Variants in BTBD9 observed in about 807,000 individuals in gnomAD.
BTBD9 encodes the protein BTB domain containing 9.
BTBD9 carries 49 observed loss-of-function variants against 64.3 expected under a neutral mutation model. That is an observed-to-expected ratio of 0.76 (90% CI 0.61 to 0.97). BTBD9 has a LOEUF of 0.97. BTBD9 is among the 50% of genes least tolerant of loss of function. BTBD9 has a pLI of 0.00. For missense variants in BTBD9, 598 were observed against 762.1 expected, an observed-to-expected ratio of 0.78 and a Z score of 2.53; for synonymous variants, 260 against 274.7, an observed-to-expected ratio of 0.95 and a Z score of 0.53.
chr6:38,307,609 A>AT (rs1420170079), intron 7 of BTBD9, among the ~76,000 whole-genome samples: 1 of 151,862 alleles, frequency 6.6e-6, no homozygotes, highest in Non-Finnish European at 1.5e-5. Context: ...CCCCTAATCG[A>AT]TTTTTCCTTC....
chr6:38,186,343 A>T (rs1318182123), intron 10 of BTBD9, among the ~76,000 whole-genome samples: 9 of 152,232 alleles, frequency 5.9e-5, no homozygotes, highest in Non-Finnish European at 1.3e-4. Context: ...CTATTATTGT[A>T]ATTAATAATA....
chr6:38,270,685 C>A (rs1418520464), intron 8 of BTBD9, among the ~76,000 whole-genome samples: 2 of 152,152 alleles, frequency 1.3e-5, no homozygotes, highest in African/African-American at 2.4e-5. Flanking sequence ...AGGCTCCTAG[C>A]AGCCAAAAGG....
intron 6 of BTBD9, among the ~76,000 whole-genome samples, chr6:38,528,984 G>A (rs748960853): frequency 6.6e-6 from 1 of 152,180 alleles, no homozygotes; most frequent in Non-Finnish European, 1.5e-5. Flanking sequence ...GTGGGCTCCT[G>A]GAGTCCCCAG....
At chr6:38,381,484 T>A (rs1036596604) in intron 6 of BTBD9, among the ~76,000 whole-genome samples, 1 of 152,172 alleles carries the variant, frequency 6.6e-6, no homozygotes, top group Admixed American at 6.5e-5. Flanking sequence ...ACTGAGAAAC[T>A]GAGAAATCCA....
At chr6:38,186,356 G>A (rs1030485811) in intron 10 of BTBD9, among the ~76,000 whole-genome samples, 1 of 152,182 alleles carries the variant, frequency 6.6e-6, no homozygotes, top group African/African-American at 2.4e-5. Context: ...TAATAATAAT[G>A]ATGATTATTA....
intron 6 of BTBD9, among the ~76,000 whole-genome samples, chr6:38,411,779 C>T (rs1767437436): frequency 6.6e-6 from 1 of 151,902 alleles, no homozygotes; most frequent in Admixed American, 6.6e-5. Context: ...CTATAAAAAA[C>T]ATTAAAAGTC....
chr6:38,223,071 A>T (rs1430047937), intron 9 of BTBD9, among the ~76,000 whole-genome samples: 13 of 151,926 alleles, frequency 8.6e-5, no homozygotes, highest in Non-Finnish European at 1.2e-4. Flanking sequence ...ACGCCTGGCT[A>T]ATTTTTTGCA....
At chr6:38,546,438 A>AT (rs973747289) in intron 6 of BTBD9, among the ~76,000 whole-genome samples, 2 of 152,142 alleles carry the variant, frequency 1.3e-5, no homozygotes, top group Non-Finnish European at 2.9e-5. Context: ...ATACATGGTG[A>AT]TTTTTTTAAT....
chr6:38,212,742 C>G (rs1762875700), intron 9 of BTBD9, among the ~76,000 whole-genome samples: 1 of 152,112 alleles, frequency 6.6e-6, no homozygotes, highest in Admixed American at 6.6e-5. Context: ...ATGACGTCAG[C>G]AGCTCCTTTC....
At chr6:38,376,924 T>A (rs750845112) in intron 6 of BTBD9, among the ~76,000 whole-genome samples, 2 of 152,204 alleles carry the variant, frequency 1.3e-5, no homozygotes, top group African/African-American at 4.8e-5. Context: ...AAGTGCATTA[T>A]CCTACTTGAT....
chr6:38,467,282 C>T (rs1195102437), intron 6 of BTBD9, among the ~76,000 whole-genome samples: 1 of 152,128 alleles, frequency 6.6e-6, no homozygotes, highest in East Asian at 1.9e-4. Context: ...CGCTTCTTTT[C>T]CTCAAAGTTT....
chr6:38,312,042 G>A (rs575838355), intron 7 of BTBD9, among the ~76,000 whole-genome samples: 47 of 152,008 alleles, frequency 3.1e-4, no homozygotes, highest in African/African-American at 1.1e-3. Flanking sequence ...TTTATTTTTA[G>A]TAGAGACGTG....
chr6:38,435,874 G>A (rs1337928790), intron 6 of BTBD9, among the ~76,000 whole-genome samples: 4 of 151,218 alleles, frequency 2.6e-5, no homozygotes, highest in Non-Finnish European at 5.9e-5. Context: ...TCATCATGTT[G>A]GCCAGGCTGG....
chr6:38,315,653 T>G (rs1176571767), intron 7 of BTBD9, among the ~76,000 whole-genome samples: 1 of 152,216 alleles, frequency 6.6e-6, no homozygotes, highest in Non-Finnish European at 1.5e-5. Flanking sequence ...TCTAGTTTTA[T>G]TCCATTGTGG....
intron 7 of BTBD9, among the ~76,000 whole-genome samples, chr6:38,302,485 G>GTGTATATATA (rs1554137022): frequency 3.3e-4 from 35 of 106,890 alleles, no homozygotes; most frequent in Non-Finnish European, 4.3e-4. Flanking sequence ...TTGTGTGTAT[G>GTGTATATATA]TATATATATA....
intron 8 of BTBD9, among the ~76,000 whole-genome samples, chr6:38,281,700 C>A (rs1761518996): frequency 6.6e-6 from 1 of 152,084 alleles, no homozygotes; most frequent in South Asian, 2.1e-4. Context: ...AACTGAAGAA[C>A]TCAAAATGTT....
intron 7 of BTBD9, among the ~76,000 whole-genome samples, chr6:38,317,756 T>C (rs1426404732): frequency 1.3e-5 from 2 of 152,174 alleles, no homozygotes; most frequent in Non-Finnish European, 2.9e-5. Context: ...CTTTTCTTTT[T>C]TCTGCTTGAT....
chr6:38,333,652 C>T (rs1763765794), intron 7 of BTBD9, among the ~76,000 whole-genome samples: 1 of 152,218 alleles, frequency 6.6e-6, no homozygotes, highest in South Asian at 2.1e-4. Context: ...TGCCTGTTTT[C>T]CCTTCGCCTT....
At chr6:38,260,946 T>C (rs1370739270) in intron 8 of BTBD9, among the ~76,000 whole-genome samples, 3 of 152,164 alleles carry the variant, frequency 2.0e-5, no homozygotes, top group Admixed American at 2.0e-4. Context: ...AATTCTTTTT[T>C]TTTTCTTTGG....
Sources: gnomAD v4.1 joint callset for allele counts (sites outside exome capture counted in the v4.1 genomes callset) on GRCh38, gnomAD v4.1.1 for gene constraint, MANE v1.5 for transcripts, NCBI Gene and HGNC (gene_info 2026-07-23, HGNC 2026-07-21) for gene names.